The following DPP10 variants were observed in gnomAD, a reference collection of about 807,000 sequenced individuals.
DPP10 encodes the protein dipeptidyl peptidase like 10.
In DPP10, 33 loss-of-function variants were observed where a neutral mutation model predicts 120.9. That is an observed-to-expected ratio of 0.27 (90% CI 0.21 to 0.37). The LOEUF (loss-of-function observed/expected upper bound fraction) is 0.37. Among genes scored for constraint, DPP10 ranks in the 10% least tolerant of loss-of-function variants. The pLI is 1.00. For missense variants in DPP10, 816 were observed against 942.8 expected (o/e 0.87, Z 1.76); for synonymous variants, 337 against 326.1 (o/e 1.03, Z -0.36).
intron 1 of DPP10, among the ~76,000 whole-genome samples, chr2:115,085,079 G>C (rs1253430686): frequency 6.6e-6 from 1 of 152,114 alleles, no homozygotes. Context: ...GTGCCCCCTG[G>C]CTTATCTCTT....
chr2:114,746,005 A>C (rs1308533163), intron 1 of DPP10, among the ~76,000 whole-genome samples: 1 of 152,220 alleles, frequency 6.6e-6, no homozygotes, highest in Admixed American at 6.5e-5. Context: ...GCAGCAGAGA[A>C]GGGAGCCCCT....
chr2:115,683,800 C>G (rs140033758), intron 5 of DPP10, among the ~76,000 whole-genome samples: 2 of 151,912 alleles, frequency 1.3e-5, no homozygotes, highest in Non-Finnish European at 2.9e-5. Context: ...AAGAATGGTA[C>G]GTGATTCCTC....
In DPP10 at chr2:114,494,314, T is replaced by G. The variant is rs1404771132; in HGVS notation, c.60+51476T>G. ...AGTATTTGTGGAAAGATTAAACAAGTTAATATCTATAAAGCTGCTTAGAGC... is the reference window on the plus strand; with the variant it reads ...AGTATTTGTGGAAAGATTAAACAAGGTAATATCTATAAAGCTGCTTAGAGC... On this transcript the variant is annotated intron_variant, in intron 1 of 25. Transcript: ENST00000410059. Among the ~76,000 whole-genome samples the G allele has an allele frequency of 4.6e-5, 7 of 152,114 alleles. 1 individual carries two copies. The South Asian group carries it at 1.4e-3, about 32-fold the overall frequency.
At chr2:114,798,406 A>G (rs1055196864) in intron 1 of DPP10, among the ~76,000 whole-genome samples, 4 of 152,200 alleles carry the variant, frequency 2.6e-5, no homozygotes, top group African/African-American at 9.7e-5. Flanking sequence ...GTAATCATAC[A>G]ATTTAAAAGT....
chr2:114,721,459 C>T (rs1293051790), intron 1 of DPP10, among the ~76,000 whole-genome samples: 1 of 152,182 alleles, frequency 6.6e-6, no homozygotes, highest in South Asian at 2.1e-4. Context: ...AGACTTTTCT[C>T]TTTGTTTTGC....
chr2:115,777,715 A>G, intron 14 of DPP10, 72 bp from the exon 15 acceptor site: 1 of 1,495,102 alleles, frequency 6.7e-7, no homozygotes, highest in African/African-American at 1.4e-5. Context: ...CAATGTGACA[A>G]TGTGACAAAA....
intron 3 of DPP10, among the ~76,000 whole-genome samples, chr2:115,408,624 C>T (rs1201080980): frequency 6.6e-6 from 1 of 152,148 alleles, no homozygotes; most frequent in African/African-American, 2.4e-5. Flanking sequence ...AAAGTATATT[C>T]TCTGATCCCA....
chr2:115,005,037 C>T (rs1320505869), intron 1 of DPP10, among the ~76,000 whole-genome samples: 1 of 152,052 alleles, frequency 6.6e-6, no homozygotes, highest in Non-Finnish European at 1.5e-5. Flanking sequence ...GGGCAGACTG[C>T]CTCCTCAAGT....
At chr2:115,433,692 T>C (rs1574832973) in intron 3 of DPP10, among the ~76,000 whole-genome samples, 1 of 151,952 alleles carries the variant, frequency 6.6e-6, no homozygotes, top group Admixed American at 6.6e-5. Flanking sequence ...CCCTCAGGGG[T>C]GCACAAATTG....
intron 13 of DPP10, among the ~76,000 whole-genome samples, chr2:115,769,385 A>G (rs942496311): frequency 2.6e-5 from 4 of 152,078 alleles, no homozygotes; most frequent in African/African-American, 9.6e-5. Context: ...ATCCATATAC[A>G]TTTGTATTGG....
intron 1 of DPP10, chr2:115,161,751 C>T (rs2052382803): frequency 8.8e-6 from 4 of 456,594 alleles, no homozygotes; most frequent in African/African-American, 2.1e-5. Flanking sequence ...GTCAGAGGGT[C>T]TGCGGTGGCC....
At chr2:115,485,651 G>C (rs1174288456) in intron 3 of DPP10, among the ~76,000 whole-genome samples, 1 of 151,950 alleles carries the variant, frequency 6.6e-6, no homozygotes, top group African/African-American at 2.4e-5. Flanking sequence ...AGATTTAACT[G>C]AAATATGCAG....
intron 1 of DPP10, among the ~76,000 whole-genome samples, chr2:114,665,868 G>A (rs1697885488): frequency 6.6e-6 from 1 of 152,170 alleles, no homozygotes; most frequent in African/African-American, 2.4e-5. Context: ...CAAGGTCTGG[G>A]ATGGTTAGTT....
intron 3 of DPP10, among the ~76,000 whole-genome samples, chr2:115,479,897 T>C (rs941354001): frequency 2.0e-5 from 3 of 152,146 alleles, no homozygotes; most frequent in Non-Finnish European, 4.4e-5. Context: ...AAAGAAGCAG[T>C]GGCATGCACC....
Position 115,809,194 on chromosome 2 carries a change from T to TAAA in DPP10, c.1701-5596_1701-5594dup, listed in dbSNP as rs533652180. On this transcript the variant is annotated intron_variant, in intron 19 of 25. Transcript: ENST00000410059. ...GAAAATCCATCTATGAGAAGAAATT[T>TAAA]AAAAATAATAAAGAGATAAATAGAA... 1.5e-3 allele frequency among the ~76,000 whole-genome samples: 222 copies of TAAA among 152,248 alleles called. 1 individual carries two copies. The highest frequency in any genetic ancestry group is 3.4e-3 in the Middle Eastern group (1 of 292).
At position 115,644,010 on chromosome 2, in the gene DPP10, G is replaced by A. The variant is rs557648922; in HGVS notation, c.442-45677G>A. Among the ~76,000 whole-genome samples the A allele has an allele frequency of 1.5e-3, 232 of 152,122 alleles. 1 individual carries two copies. The highest frequency in any genetic ancestry group is 5.4e-3 in the African/African-American group (224 of 41,516). ...CATTGGCTCCATTAGCACCTGACTG[G>A]CCAATCAGGTCAGTTGACTTTGTTC... On this transcript the variant is annotated intron_variant, in intron 5 of 25. Coordinates refer to ENST00000410059, the MANE Select transcript of DPP10 (RefSeq NM_020868.6).
intron 1 of DPP10, among the ~76,000 whole-genome samples, chr2:115,293,839 G>T (rs565935723): frequency 6.6e-6 from 1 of 152,124 alleles, no homozygotes; most frequent in East Asian, 1.9e-4. Context: ...ATGGACATCA[G>T]TAAATCTCTA....
intron 1 of DPP10, among the ~76,000 whole-genome samples, chr2:114,687,868 G>A (rs750775335): frequency 3.9e-5 from 6 of 151,952 alleles, no homozygotes; most frequent in East Asian, 1.9e-4. Flanking sequence ...ACAGAGTCCC[G>A]TCTCTTCAGA....
chr2:115,340,479 TTGTG>T (rs1191147163), intron 2 of DPP10, among the ~76,000 whole-genome samples: 1 of 151,966 alleles, frequency 6.6e-6, no homozygotes, highest in Non-Finnish European at 1.5e-5. Context: ...GTTTTCACTG[TTGTG>T]TGTATGTATA....
Sources: gnomAD v4.1 joint callset for allele counts (sites outside exome capture counted in the v4.1 genomes callset) on GRCh38, gnomAD v4.1.1 for gene constraint, MANE v1.5 for transcripts, NCBI Gene and HGNC (gene_info 2026-07-23, HGNC 2026-07-21) for gene names.